The following EIPR1 variants were observed in gnomAD, a reference collection of about 807,000 sequenced individuals.
EIPR1 encodes EARP and GARP complex-interacting protein 1.
EIPR1 carries 25 observed loss-of-function variants against 48.1 expected under a neutral mutation model. The ratio of observed to expected loss-of-function variants is 0.52; its 90% CI spans 0.38 to 0.73. The LOEUF (loss-of-function observed/expected upper bound fraction) is 0.73. EIPR1 is among the 30% of genes least tolerant of loss of function. The pLI is 0.00. For missense variants in EIPR1, 415 were observed against 506.2 expected (o/e 0.82, Z 1.73); for synonymous variants, 204 against 201.9 (o/e 1.01, Z -0.09).
At chr2:3,285,332 C>T (rs993377260) in intron 3 of EIPR1, among the ~76,000 whole-genome samples, 1 of 147,526 alleles carries the variant, frequency 6.8e-6, no homozygotes, top group Non-Finnish European at 1.5e-5. Context: ...CCCCCACCCC[C>T]ACCCCCACCC....
chr2:3,257,447 T>G lies in EIPR1; in HGVS notation c.268A>C (p.Ser90Arg), dbSNP rs2103220120. 3 of 1,614,178 alleles carry G rather than the reference T, an allele frequency of 1.9e-6. No homozygotes were observed. Among genetic ancestry groups the G allele is most frequent in the East Asian group, 4.5e-5 (2 of 44,876 alleles). The change falls in exon 4 of 9, where the codon AGC (serine) becomes CGC (arginine). Residue 90 changes from serine (S) to arginine (R), a missense_variant. Ser to Arg is a moderately radical substitution (Grantham distance 110). Transcript: ENST00000382125. ...ACGGCTGCACATGTCAGGACTTTGC[T>G]GTCTGAAGCTGAGCAACAGAGCATA... ...LTTCYNRTSDSKVLTCAAVWR... is the reference protein window; with the variant it reads ...LTTCYNRTSDRKVLTCAAVWR...
intron 3 of EIPR1, among the ~76,000 whole-genome samples, chr2:3,294,210 C>T (rs1668457905): frequency 6.6e-6 from 1 of 152,126 alleles, no homozygotes; most frequent in Non-Finnish European, 1.5e-5. Flanking sequence ...TTAGCTGACT[C>T]GTGACCTGGC....
chr2:3,347,383 T>C (rs1302414764), intron 2 of EIPR1, among the ~76,000 whole-genome samples: 1 of 152,236 alleles, frequency 6.6e-6, no homozygotes, highest in Non-Finnish European at 1.5e-5. Context: ...TTTCCCATGC[T>C]GTTCTCCTAA....
At chr2:3,199,240 T>C (rs1472744838) in intron 5 of EIPR1, among the ~76,000 whole-genome samples, 1 of 152,080 alleles carries the variant, frequency 6.6e-6, no homozygotes, top group African/African-American at 2.4e-5. Context: ...TCCCTGAAAA[T>C]TGCTGTTATC....
intron 8 of EIPR1, among the ~76,000 whole-genome samples, chr2:3,191,342 C>G (rs564652673): frequency 4.7e-5 from 7 of 150,312 alleles, no homozygotes; most frequent in Non-Finnish European, 7.4e-5. Context: ...ATGGGCCCAT[C>G]GCCACTGCAG....
At chr2:3,269,120 C>T (rs1457961400) in intron 3 of EIPR1, among the ~76,000 whole-genome samples, 2 of 152,238 alleles carry the variant, frequency 1.3e-5, no homozygotes, top group East Asian at 3.8e-4. Flanking sequence ...ATGCTGTACA[C>T]TGAGCACTGC....
chr2:3,303,723 CA>C (rs1668827214), intron 3 of EIPR1, among the ~76,000 whole-genome samples: 1 of 152,314 alleles, frequency 6.6e-6, no homozygotes, highest in Admixed American at 6.5e-5. Context: ...TGTTTCCCGG[CA>C]CCGTGAACAC....
At chr2:3,209,055 T>C (rs1665345478) in intron 5 of EIPR1, 2 of 1,437,206 alleles carry the variant, frequency 1.4e-6, no homozygotes, top group African/African-American at 1.4e-5. Flanking sequence ...CCGGGACGCC[T>C]GCTGGTGGGA....
intron 7 of EIPR1, among the ~76,000 whole-genome samples, chr2:3,193,568 G>A (rs1473167967): frequency 6.6e-6 from 1 of 152,196 alleles, no homozygotes; most frequent in Non-Finnish European, 1.5e-5. Context: ...GAGAATGAGT[G>A]ACCTCAGAGA....
intron 3 of EIPR1, among the ~76,000 whole-genome samples, chr2:3,305,499 A>C (rs1572419897): frequency 1.5e-5 from 2 of 137,734 alleles, no homozygotes; most frequent in South Asian, 2.4e-4. Flanking sequence ...TCAGCCCTCC[A>C]CTCCTGTCCA....
intron 1 of EIPR1, among the ~76,000 whole-genome samples, chr2:3,361,196 G>A (rs1462564024): frequency 1.3e-5 from 2 of 152,070 alleles, no homozygotes; most frequent in Non-Finnish European, 2.9e-5. Context: ...GCACTTACCC[G>A]TTGAAGTCCA....
chr2:3,366,735 GA>G (rs1670981870), intron 1 of EIPR1, among the ~76,000 whole-genome samples: 1 of 152,180 alleles, frequency 6.6e-6, no homozygotes, highest in Admixed American at 6.5e-5. Context: ...CAAATGAAAG[GA>G]AATTGTTTTG....
intron 1 of EIPR1, among the ~76,000 whole-genome samples, chr2:3,360,112 G>A (rs1432022280): frequency 6.6e-6 from 1 of 152,138 alleles, no homozygotes; most frequent in Non-Finnish European, 1.5e-5. Flanking sequence ...ATAAAGAAAG[G>A]CCAAGGCGAG....
At chr2:3,261,275 G>T (rs1210353684) in intron 3 of EIPR1, among the ~76,000 whole-genome samples, 1 of 152,116 alleles carries the variant, frequency 6.6e-6, no homozygotes, top group Admixed American at 6.6e-5. Context: ...AGTACTGCCT[G>T]CCTGACACAT....
chr2:3,288,484 G>T (rs1170983107), intron 3 of EIPR1, among the ~76,000 whole-genome samples: 1 of 152,196 alleles, frequency 6.6e-6, no homozygotes, highest in East Asian at 1.9e-4. Context: ...TTCTCTGACA[G>T]GTGGCAGAGT....
At chr2:3,267,487 G>A (rs1667526582) in intron 3 of EIPR1, among the ~76,000 whole-genome samples, 1 of 152,248 alleles carries the variant, frequency 6.6e-6, no homozygotes, top group South Asian at 2.1e-4. Flanking sequence ...ACTTAATCAG[G>A]CGGGCAACCC....
chr2:3,282,217 G>A (rs1668034748), intron 3 of EIPR1, among the ~76,000 whole-genome samples: 2 of 152,166 alleles, frequency 1.3e-5, no homozygotes, highest in South Asian at 4.1e-4. Flanking sequence ...ACCAGCCCCG[G>A]GCCACCGTCA....
At chr2:3,254,285 C>G (rs1667088896) in intron 4 of EIPR1, among the ~76,000 whole-genome samples, 1 of 152,342 alleles carries the variant, frequency 6.6e-6, no homozygotes, top group South Asian at 2.1e-4. Flanking sequence ...CCCTCACGCT[C>G]TGTCATGGCA....
At chr2:3,215,137 C>A (rs1417334686) in intron 4 of EIPR1, among the ~76,000 whole-genome samples, 1 of 152,242 alleles carries the variant, frequency 6.6e-6, no homozygotes, top group Admixed American at 6.5e-5. Flanking sequence ...AGCTAAGACA[C>A]TCACCAACGT....
Sources: allele counts gnomAD v4.1 joint callset (sites outside exome capture counted in the v4.1 genomes callset), GRCh38; gene constraint gnomAD v4.1.1; transcripts MANE v1.5; gene names NCBI Gene and HGNC (gene_info 2026-07-23, HGNC 2026-07-21).